SCHIP1: variants seen among roughly 807,000 people sequenced by gnomAD.
SCHIP1 encodes the protein schwannomin interacting protein 1.
SCHIP1 carries 8 observed loss-of-function variants against 29.7 expected under a neutral mutation model. That is an observed-to-expected ratio of 0.27 (90% confidence interval 0.16 to 0.49). SCHIP1 has a LOEUF of 0.49. SCHIP1 is among the 20% of genes least tolerant of loss of function. The pLI is 0.99. For synonymous variants in SCHIP1, 76 were observed against 94.9 expected (o/e 0.80, Z 1.16); for missense variants, 193 against 294.6 (o/e 0.66, Z 2.52).
the SCHIP1 span, among the ~76,000 whole-genome samples, chr3:159,489,604 T>C: frequency 3.9e-5 from 6 of 152,198 alleles, no homozygotes; most frequent in Admixed American, 3.9e-4. Flanking sequence ...GAAATACTTG[T>C]ACATAAGAAT....
chr3:159,475,192 GATGA>G, the SCHIP1 span, among the ~76,000 whole-genome samples: 5 of 152,264 alleles, frequency 3.3e-5, no homozygotes, highest in South Asian at 6.2e-4. Flanking sequence ...TGCATCAACT[GATGA>G]ATGAACAAAT....
the SCHIP1 span, among the ~76,000 whole-genome samples, chr3:159,495,896 C>A: frequency 6.6e-6 from 1 of 152,068 alleles, no homozygotes; most frequent in Non-Finnish European, 1.5e-5. Context: ...GTACAGGTAC[C>A]AAGACAGAGA....
intron 1 of SCHIP1, among the ~76,000 whole-genome samples, chr3:159,846,959 G>GA (rs1009261594): frequency 1.1e-4 from 17 of 148,174 alleles, no homozygotes; most frequent in Admixed American, 4.0e-4. Flanking sequence ...GCCCCACATG[G>GA]AAAAAAAAAA....
the SCHIP1 span, among the ~76,000 whole-genome samples, chr3:159,596,063 G>A: frequency 6.6e-6 from 1 of 151,994 alleles, no homozygotes; most frequent in Non-Finnish European, 1.5e-5. Flanking sequence ...TCTGACAAAG[G>A]GCTAATATCC....
chr3:159,582,785 TATACACACACACACAC>T, the SCHIP1 span, among the ~76,000 whole-genome samples: 2 of 80,402 alleles, frequency 2.5e-5, no homozygotes, highest in African/African-American at 6.1e-5. Context: ...GAAATATATA[TATACACACACACACAC>T]ACACACACAC....
the SCHIP1 span, among the ~76,000 whole-genome samples, chr3:159,684,228 C>T: frequency 2.0e-5 from 3 of 152,142 alleles, no homozygotes; most frequent in African/African-American, 7.2e-5. Context: ...TTCCAGAACT[C>T]ACTGATGTTA....
chr3:159,331,463 T>C, the SCHIP1 span, among the ~76,000 whole-genome samples: 1 of 152,184 alleles, frequency 6.6e-6, no homozygotes, highest in Non-Finnish European at 1.5e-5. Context: ...GACAGGGCAC[T>C]GCAGTGTCTG....
the SCHIP1 span, among the ~76,000 whole-genome samples, chr3:159,762,342 C>T: frequency 6.6e-6 from 1 of 152,196 alleles, no homozygotes; most frequent in Non-Finnish European, 1.5e-5. Context: ...TGGCTCAGGT[C>T]TACCTAGCAC....
the SCHIP1 span, among the ~76,000 whole-genome samples, chr3:159,674,703 G>A: frequency 3.3e-5 from 5 of 151,208 alleles, no homozygotes; most frequent in African/African-American, 9.7e-5. Context: ...TATAAGCAAG[G>A]CCACTGCTCC....
chr3:159,524,123 G>A, the SCHIP1 span, among the ~76,000 whole-genome samples: 487 of 152,188 alleles, frequency 3.2e-3, 1 homozygote, highest in Non-Finnish European at 5.3e-3. Context: ...TCTTATGTTC[G>A]TCAAGGATTC....
chr3:159,758,397 C>T, the SCHIP1 span, among the ~76,000 whole-genome samples: 15 of 152,210 alleles, frequency 9.9e-5, no homozygotes, highest in South Asian at 6.2e-4. Flanking sequence ...GTGATCCGCC[C>T]GCCTCAGCCT....
chr3:159,414,532 T>G, the SCHIP1 span, among the ~76,000 whole-genome samples: 2 of 152,208 alleles, frequency 1.3e-5, no homozygotes, highest in Non-Finnish European at 2.9e-5. Context: ...ATATTCACAA[T>G]TTTTACTGTT....
the SCHIP1 span, among the ~76,000 whole-genome samples, chr3:159,727,916 T>A: frequency 6.6e-5 from 10 of 151,778 alleles, no homozygotes. Flanking sequence ...CCAAAAAACT[T>A]TTTTGTTGTT....
At chr3:159,551,833 A>G in the SCHIP1 span, among the ~76,000 whole-genome samples, 1 of 152,198 alleles carries the variant, frequency 6.6e-6, no homozygotes, top group Admixed American at 6.5e-5. Flanking sequence ...AAACCACATT[A>G]GGGATGCCAG....
the SCHIP1 span, among the ~76,000 whole-genome samples, chr3:159,713,784 T>A: frequency 6.6e-6 from 1 of 152,234 alleles, no homozygotes; most frequent in East Asian, 1.9e-4. Flanking sequence ...ATAGGTGGCC[T>A]CTCCAAAATG....
the SCHIP1 span, among the ~76,000 whole-genome samples, chr3:159,665,357 A>G: frequency 6.6e-6 from 1 of 152,076 alleles, no homozygotes; most frequent in African/African-American, 2.4e-5. Flanking sequence ...AGCAATTATG[A>G]ACCCAGCAAG....
intron 1 of SCHIP1, among the ~76,000 whole-genome samples, chr3:159,864,790 G>A (rs1337891308): frequency 6.6e-6 from 1 of 152,126 alleles, no homozygotes; most frequent in East Asian, 1.9e-4. Flanking sequence ...GCTGTACTTT[G>A]CTGTCATGTA....
At chr3:159,546,901 T>C in the SCHIP1 span, among the ~76,000 whole-genome samples, 4 of 152,324 alleles carry the variant, frequency 2.6e-5, no homozygotes, top group African/African-American at 9.6e-5. Context: ...TGTGTCTTTA[T>C]AGTAAAACAA....
chr3:159,571,632 T>C, the SCHIP1 span, among the ~76,000 whole-genome samples: 1 of 152,216 alleles, frequency 6.6e-6, no homozygotes. Flanking sequence ...AGGATGATGT[T>C]GGCCTCATAA....
Sources: allele counts gnomAD v4.1 joint callset (sites outside exome capture counted in the v4.1 genomes callset), GRCh38; gene constraint gnomAD v4.1.1; transcripts MANE v1.5; gene names NCBI Gene and HGNC (gene_info 2026-07-23, HGNC 2026-07-21).